The following DDHD2 variants were observed in gnomAD, a reference collection of about 807,000 sequenced individuals.
The protein encoded by DDHD2 is DDHD domain containing 2, also known as triacylglycerol hydrolase DDHD2.
DDHD2 carries 62 observed loss-of-function variants against 91.2 expected under a neutral mutation model. The ratio of observed to expected loss-of-function variants is 0.68; its 90% CI spans 0.55 to 0.84. The LOEUF is 0.84. DDHD2 is among the 40% of genes least tolerant of loss of function. The pLI, the probability that DDHD2 is intolerant of heterozygous loss-of-function variation, is 0.00. For synonymous variants in DDHD2, 271 were observed against 293.9 expected, an observed-to-expected ratio of 0.92 and a Z score of 0.80; for missense variants, 740 against 846.9, an observed-to-expected ratio of 0.87 and a Z score of 1.57.
At chr8:38,260,537 C>G (rs901783930) in intron 17 of DDHD2, 63 bp from the exon 18 acceptor site, 2 of 155,810 alleles carry the variant, frequency 1.3e-5, no homozygotes, top group African/African-American at 4.8e-5. Context: ...GTATTCGACT[C>G]TGGCATTCTC....
Position 38,240,280 on chromosome 8 carries a change from C to A in DDHD2, c.628C>A (p.Pro210Thr), listed in dbSNP as rs376771682. The change falls in exon 6 of 18, where the codon CCT becomes ACT. Residue 210 changes from proline to threonine, a missense_variant. Around this residue, in one of 2 missense-constraint regions of DDHD2, gnomAD observed 693 missense variants for 764.2 expected, o/e 0.91. Transcript: ENST00000397166. ...NISVDIHCGE[P>T]LQIDHLVFVV... ...CTTTTTAATTTCATTTATAGGAGAA[C>A]CTTTACAAATAGATCACTTGGTTTT... is the stretch of plus-strand genomic sequence containing the variant. The A allele has an allele frequency of 1.2e-4, 190 of 1,598,258 alleles. No individual in the cohort carries two copies. Among genetic ancestry groups the A allele is most frequent in the Non-Finnish European group, 1.6e-4 (184 of 1,167,884 alleles).
chr8:38,235,591 C>T (rs1285393136), intron 3 of DDHD2, among the ~76,000 whole-genome samples: 1 of 151,658 alleles, frequency 6.6e-6, no homozygotes. Flanking sequence ...CACGGTGGTG[C>T]ACGCCTGTAA....
rs1807114043 is a variant in DDHD2 at position 38,262,548 on chromosome 8, C to A, written c.*1975C>A. ...ATTATTTGCGCTGCTTCATTTGTAT[C>A]ATGTGCAATCTCTAGACCAACCCTA... On this transcript the variant is annotated 3_prime_UTR_variant, in exon 18 of 18. Transcript: ENST00000397166. The A allele has an allele frequency of 6.6e-6, 1 of 152,182 alleles. No individual in the cohort carries two copies. The highest frequency in any genetic ancestry group is 2.4e-5 in the African/African-American group (1 of 41,454). The allele number at this position is 152,182 out of a possible 1,614,324, so 9.4% of individuals were successfully genotyped here.
At chr8:38,267,350 A>C (rs561088300), downstream of DDHD2, 1 of 1,614,040 alleles carries the variant, frequency 6.2e-7, no homozygotes, top group South Asian at 1.1e-5. Flanking sequence ...AGAATGGGCT[A>C]GCCCATCAGG....
chr8:38,254,165 G>A (rs899240119), intron 16 of DDHD2, among the ~76,000 whole-genome samples: 2 of 152,026 alleles, frequency 1.3e-5, no homozygotes, highest in African/African-American at 4.8e-5. Context: ...CAAGAATCTG[G>A]TTTAAACACA....
At chr8:38,237,412 A>G (rs966051992) in intron 3 of DDHD2, 126 bp from the exon 4 acceptor site, 8 of 546,004 alleles carry the variant, frequency 1.5e-5, no homozygotes, top group African/African-American at 1.4e-4. Context: ...AGATTTAAAA[A>G]TAAATTTGAT....
At chr8:38,263,786 T>C (rs1807219833), downstream of DDHD2, 1 of 985,258 alleles carries the variant, frequency 1.0e-6, no homozygotes. Context: ...CTCTAGCTTC[T>C]GAGACAAGGT....
At chr8:38,267,601 A>T, downstream of DDHD2, 2 of 656,796 alleles carry the variant, frequency 3.0e-6, no homozygotes, top group East Asian at 5.5e-5. Flanking sequence ...CCAGCACATG[A>T]TTACTTTTTA....
rs1585775124 is a variant in DDHD2 at position 38,260,107 on chromosome 8, C to T, written c.2122C>T (p.Gln708Ter). The T allele has an allele frequency of 6.2e-7, 1 of 1,612,072 alleles. No individual in the cohort carries two copies. The highest frequency in any genetic ancestry group is 1.1e-5 in the South Asian group (1 of 91,044). ...CCAAACCCAGGGTATCTTCCTTGAT[C>T]AGCCTTTACAGTAAAAATGACCCAT... ...IYQTQGIFLDQPLQ is the reference protein window; with the variant it reads ...IYQTQGIFLD The change falls in exon 17 of 18, where the codon CAG becomes TAG. Residue 708 changes from glutamine to a stop codon, truncating the protein, a stop_gained. Transcript: ENST00000397166. LOFTEE classifies it high-confidence loss of function.
rs1044277397 is a variant in DDHD2, at chr8:38,252,942, A to C, written c.1721-15A>C. ...CTTTGTAAATCATTTAATGTTCTTT[A>C]TTTATATGTTTCAGAACTGAGAGAG... On this transcript the variant is annotated splice_polypyrimidine_tract_variant and intron_variant, in intron 14 of 17. Transcript: ENST00000397166. 5 of 1,613,316 alleles carry C rather than the reference A, an allele frequency of 3.1e-6. No individual in the cohort carries two copies. Among genetic ancestry groups the C allele is most frequent in the African/African-American group, 1.3e-5 (1 of 74,978 alleles).
At chr8:38,240,046 A>G (rs1585713413) in intron 5 of DDHD2, among the ~76,000 whole-genome samples, 1 of 151,718 alleles carries the variant, frequency 6.6e-6, no homozygotes, top group African/African-American at 2.4e-5. Context: ...CAGAGATCAG[A>G]AAAAAAAGAA....
At chr8:38,242,912 G>A (rs931379193) in intron 7 of DDHD2, among the ~76,000 whole-genome samples, 9 of 152,176 alleles carry the variant, frequency 5.9e-5, no homozygotes, top group Non-Finnish European at 8.8e-5. Context: ...TAATGACAGA[G>A]AATGTTGCTT....
intron 16 of DDHD2, among the ~76,000 whole-genome samples, chr8:38,257,762 T>C (rs921373947): frequency 4.6e-5 from 7 of 151,086 alleles, no homozygotes; most frequent in Admixed American, 1.3e-4. Context: ...CCTGCCAGGT[T>C]CAAGTGATTC....
In DDHD2 at chr8:38,234,507, C is replaced by T. The variant is rs755267771; in HGVS notation, c.334C>T (p.Arg112Ter). 7 of 1,613,028 alleles carry T rather than the reference C, an allele frequency of 4.3e-6. No individual in the cohort carries two copies. Among genetic ancestry groups the T allele is most frequent in the Non-Finnish European group, 5.9e-6 (7 of 1,179,856 alleles). The change falls in exon 3 of 18, where the codon CGA (arginine) becomes TGA (stop). Residue 112 changes from arginine (R) to a stop codon, truncating the protein, a stop_gained. Coordinates refer to ENST00000397166, the MANE Select transcript of DDHD2 (RefSeq NM_015214.3). LOFTEE classifies it high-confidence loss of function. Reference protein sequence around the residue: ...YWDELASEVRRCTWFYKGDKD... With the variant: ...YWDELASEVR The stretch of plus-strand genomic sequence containing the variant: ...GGATGAACTGGCATCGGAAGTGAGA[C>T]GATGTACGTGGTTTTACAAGGGGGA...
chr8:38,269,173 G>GGCCACC (rs1808295297), intron 1 of DDHD2: 6 of 1,506,130 alleles, frequency 4.0e-6, no homozygotes, highest in South Asian at 1.2e-5. Flanking sequence ...CGGCCCCAAA[G>GGCCACC]GCCACCGCCG....
chr8:38,268,277 A>G (rs548426232), intron 1 of DDHD2: 9 of 1,196,674 alleles, frequency 7.5e-6, no homozygotes. Flanking sequence ...TGCAGAACTC[A>G]GTGGCCTCCA....
At chr8:38,268,658 G>T (rs1808123577) in intron 1 of DDHD2, 6 of 1,433,318 alleles carry the variant, frequency 4.2e-6, no homozygotes, top group Non-Finnish European at 5.5e-6. Context: ...TCAGGCTGAG[G>T]CACAGAGCGC....
chr8:38,252,397 A>G (rs1320761866), intron 13 of DDHD2, 110 bp downstream of exon 13: 10 of 1,215,766 alleles, frequency 8.2e-6, no homozygotes, highest in East Asian at 4.7e-5. Flanking sequence ...TTGTCTAGCA[A>G]TGAGACAACT....
chr8:38,246,155 C>T (rs765311190), intron 8 of DDHD2, 78 bp from the exon 9 acceptor site: 36 of 1,178,232 alleles, frequency 3.1e-5, no homozygotes, highest in Non-Finnish European at 4.4e-5. Context: ...ATGTAATTGG[C>T]TTATGCCTTT....
Sources: allele counts gnomAD v4.1 joint callset (sites outside exome capture counted in the v4.1 genomes callset), GRCh38; gene constraint gnomAD v4.1.1; regional missense constraint gnomAD v4.1.1; transcripts MANE v1.5; gene names NCBI Gene and HGNC (gene_info 2026-07-23, HGNC 2026-07-21).